The following CSMD1 variants were observed in gnomAD, a reference collection of about 807,000 sequenced individuals.
CSMD1 encodes the protein CUB and Sushi multiple domains 1.
CSMD1 carries 213 observed loss-of-function variants against 417.5 expected under a neutral mutation model. The ratio of observed to expected loss-of-function variants is 0.51; its 90% confidence interval spans 0.46 to 0.57. The LOEUF (loss-of-function observed/expected upper bound fraction) is 0.57, where lower values mean the gene tolerates loss of function less well. CSMD1 is among the 20% of genes least tolerant of loss of function. The probability of loss-of-function intolerance (pLI) is 0.00; values close to 1 mark genes in which losing one functional copy is unlikely to be tolerated. For missense variants in CSMD1, 6,923 were observed against 4,529.7 expected (o/e 1.53, Z -15.17); for synonymous variants, 2,862 against 1,736.8 (o/e 1.65, Z -16.11).
At chr8:3,237,617 T>C (rs1799229500) in intron 26 of CSMD1, among the ~76,000 whole-genome samples, 1 of 143,000 alleles carries the variant, frequency 7.0e-6, no homozygotes, top group Non-Finnish European at 1.5e-5. Flanking sequence ...ACTTATACTA[T>C]AAATATATTT....
intron 5 of CSMD1, among the ~76,000 whole-genome samples, chr8:3,892,078 G>C (rs949187385): frequency 1.3e-5 from 2 of 152,112 alleles, no homozygotes. Flanking sequence ...CATTGTGTGT[G>C]TGCTTTTCAA....
In CSMD1 at chr8:3,957,418, C is replaced by G. The variant is rs146887731; in HGVS notation, c.818+40485G>C. Among the ~76,000 whole-genome samples, 160 of 152,260 alleles carry G rather than the reference C, an allele frequency of 1.1e-3. 1 individual carries two copies. Among genetic ancestry groups the G allele is most frequent in the African/African-American group, 3.7e-3 (152 of 41,548 alleles). ...TCAGTCTGGGAGCAGTGGCTCCCAC[C>G]TGTAAACCCAGCACTTTGGGAGGCC... is the stretch of plus-strand genomic sequence containing the variant. On this transcript the variant is annotated intron_variant, in intron 5 of 69. Coordinates refer to ENST00000635120, the MANE Select transcript of CSMD1 (RefSeq NM_033225.6).
intron 1 of CSMD1, among the ~76,000 whole-genome samples, chr8:4,976,909 A>T (rs1339523662): frequency 1.3e-5 from 2 of 152,190 alleles, no homozygotes; most frequent in Non-Finnish European, 2.9e-5. Context: ...ATAAAAAAAA[A>T]TCCTCCAGAG....
At position 2,966,702 on chromosome 8, in the gene CSMD1, C is replaced by A. The variant is rs776581176; in HGVS notation, c.8968G>T (p.Val2990Phe). 1 of 1,613,778 alleles carries A rather than the reference C, an allele frequency of 6.2e-7. No individual in the cohort carries two copies. Among genetic ancestry groups the A allele is most frequent in the Non-Finnish European group, 8.5e-7 (1 of 1,179,826 alleles). Reference sequence around the variant, plus strand: ...GAGAACAGAATGCCATCACTACTGACAATCATTCCGTTGGTGGGTGTGCCA... The same window carrying A: ...GAGAACAGAATGCCATCACTACTGAAAATCATTCCGTTGGTGGGTGTGCCA... ...NPGTPTNGMI[V>F]SSDGILFSSS... Residue 2990 changes from valine (V) to phenylalanine (F), a missense_variant, in exon 58 of 70, where the codon GTC becomes TTC. Val to Phe is a conservative substitution (Grantham distance 50). Coordinates refer to ENST00000635120, the MANE Select transcript of CSMD1 (RefSeq NM_033225.6).
intron 3 of CSMD1, among the ~76,000 whole-genome samples, chr8:4,304,053 G>A (rs145870615): frequency 4.6e-5 from 7 of 152,228 alleles, no homozygotes; most frequent in African/African-American, 1.4e-4. Context: ...AGAACCAGGG[G>A]ATCACAAAGC....
chr8:4,098,775 G>T lies in CSMD1; in HGVS notation c.416-66676C>A, dbSNP rs116343939. Among the ~76,000 whole-genome samples the T allele has an allele frequency of 6.7e-3, 1,013 of 152,226 alleles. 7 individuals are homozygous for T. The highest frequency in any genetic ancestry group is 0.023 in the African/African-American group (954 of 41,546). On this transcript the variant is annotated intron_variant, in intron 3 of 69. Coordinates refer to ENST00000635120, the MANE Select transcript of CSMD1 (RefSeq NM_033225.6). The stretch of plus-strand genomic sequence containing the variant: ...TCCTTTGTCAGACAGGGATAGAATT[G>T]CAGTCATTACTAATAAGAAGACAAT...
At chr8:4,921,595 C>G (rs1465137998) in intron 1 of CSMD1, among the ~76,000 whole-genome samples, 9 of 152,054 alleles carry the variant, frequency 5.9e-5, no homozygotes, top group Non-Finnish European at 2.9e-5. Flanking sequence ...TGCATATTTT[C>G]CAAAATACCT....
intron 6 of CSMD1, among the ~76,000 whole-genome samples, chr8:3,730,676 C>G (rs2129047460): frequency 6.6e-6 from 1 of 152,302 alleles, no homozygotes; most frequent in South Asian, 2.1e-4. Context: ...CCAGCATTTA[C>G]TAACCTCACC....
intron 3 of CSMD1, among the ~76,000 whole-genome samples, chr8:4,044,734 C>CACCCTGGTCATGTACA (rs149862791): frequency 6.6e-6 from 1 of 150,882 alleles, no homozygotes; most frequent in Non-Finnish European, 1.5e-5. Flanking sequence ...GGACACGTAC[C>CACCCTGGTCATGTACA]ACCCTGGGCA....
chr8:4,468,214 G>C (rs1046600164), intron 2 of CSMD1, among the ~76,000 whole-genome samples: 3 of 152,170 alleles, frequency 2.0e-5, no homozygotes, highest in African/African-American at 7.2e-5. Context: ...AGCAGTGCCT[G>C]GGGCATGCCT....
intron 2 of CSMD1, among the ~76,000 whole-genome samples, chr8:4,484,515 G>C (rs1028988125): frequency 1.3e-5 from 2 of 151,982 alleles, no homozygotes; most frequent in Non-Finnish European, 2.9e-5. Context: ...AGCAAGTTTG[G>C]TAAGTCCATC....
chr8:4,329,869 C>G (rs916553080), intron 3 of CSMD1, among the ~76,000 whole-genome samples: 2 of 141,054 alleles, frequency 1.4e-5, no homozygotes, highest in African/African-American at 3.1e-5. Flanking sequence ...CACACACACA[C>G]ACACAGACAC....
chr8:3,158,120 T>C (rs1277856636), intron 38 of CSMD1, among the ~76,000 whole-genome samples, 154 bp from the exon 39 acceptor site: 1 of 152,230 alleles, frequency 6.6e-6, no homozygotes, highest in African/African-American at 2.4e-5. Flanking sequence ...GTAATGATTA[T>C]TAGTGAGTCA....
intron 12 of CSMD1, among the ~76,000 whole-genome samples, chr8:3,411,792 A>G (rs1222231732): frequency 6.7e-5 from 8 of 118,898 alleles, no homozygotes; most frequent in South Asian, 3.0e-4. Flanking sequence ...CTGTATATAT[A>G]CACGTATATA....
intron 36 of CSMD1, 77 bp from the exon 37 acceptor site, chr8:3,181,291 C>T: frequency 1.1e-6 from 1 of 946,606 alleles, no homozygotes; most frequent in Non-Finnish European, 1.6e-6. Context: ...TATGAGAATA[C>T]TTATTAGGCT....
intron 3 of CSMD1, among the ~76,000 whole-genome samples, chr8:4,108,536 C>G (rs769120541): frequency 6.6e-6 from 1 of 152,132 alleles, no homozygotes; most frequent in Non-Finnish European, 1.5e-5. Flanking sequence ...TTTGTAACCC[C>G]AACTGTTTTC....
chr8:3,566,105 G>C (rs537134195), intron 10 of CSMD1, among the ~76,000 whole-genome samples: 89 of 152,128 alleles, frequency 5.9e-4, no homozygotes, highest in South Asian at 1.0e-3. Context: ...AAGGGAAGGA[G>C]GCGGAGAAGA....
chr8:3,482,744 G>A (rs1053687227), intron 11 of CSMD1, among the ~76,000 whole-genome samples: 1 of 152,116 alleles, frequency 6.6e-6, no homozygotes, highest in Non-Finnish European at 1.5e-5. Flanking sequence ...AATAGATCTT[G>A]ACATATTCAA....
chr8:4,647,380 G>A (rs1460070167), intron 1 of CSMD1, among the ~76,000 whole-genome samples: 5 of 151,014 alleles, frequency 3.3e-5, no homozygotes, highest in Admixed American at 1.3e-4. Context: ...ACGTAGGTAC[G>A]CGTGTGCCAC....
Sources: gnomAD v4.1 joint callset for allele counts (sites outside exome capture counted in the v4.1 genomes callset) on GRCh38, gnomAD v4.1.1 for gene constraint, MANE v1.5 for transcripts, NCBI Gene and HGNC (gene_info 2026-07-23, HGNC 2026-07-21) for gene names.